ZPBP: variants seen among roughly 807,000 people sequenced by gnomAD.
The protein encoded by ZPBP is zona pellucida-binding protein 1.
ZPBP carries 26 observed loss-of-function variants against 44.8 expected under a neutral mutation model. That is an observed-to-expected ratio of 0.58 (90% CI 0.43 to 0.81). The LOEUF (loss-of-function observed/expected upper bound fraction) is 0.81. Among genes scored for constraint, ZPBP ranks in the 30% least tolerant of loss-of-function variants. ZPBP has a pLI of 0.00. For synonymous variants in ZPBP, 174 were observed against 153.2 expected (o/e 1.14, Z -1.00); for missense variants, 409 against 434.0 (o/e 0.94, Z 0.51).
In ZPBP at chr7:50,093,189, C is replaced by G; in HGVS notation, c.6G>C (p.Glu2Asp). M[E>D]AFALGPARRG... Reference sequence around the variant, plus strand: ...GCCGCGCTGGGCCAAGGGCGAAGGCCTCCATCCACACGCCGCCGTCGCCTG... The same window carrying G: ...GCCGCGCTGGGCCAAGGGCGAAGGCGTCCATCCACACGCCGCCGTCGCCTG... Residue 2 changes from glutamate to aspartate, a missense_variant, in exon 1 of 8, where the codon GAG (glutamate) becomes GAC (aspartate). By Grantham distance (45) the Glu-to-Asp change is conservative (BLOSUM62 2). Coordinates refer to ENST00000046087, the MANE Select transcript of ZPBP (RefSeq NM_007009.3). The G allele has an allele frequency of 6.6e-7, 1 of 1,525,362 alleles. No individual in the cohort carries two copies. The highest frequency in any genetic ancestry group is 2.3e-4 in the Middle Eastern group (1 of 4,322). The allele number at this position is 1,525,362 out of a possible 1,614,324, so 94.5% of individuals were successfully genotyped here.
At chr7:50,092,573 G>A (rs1192287029) in intron 1 of ZPBP, among the ~76,000 whole-genome samples, 1 of 152,158 alleles carries the variant, frequency 6.6e-6, no homozygotes, top group Non-Finnish European at 1.5e-5. Context: ...TATCTTACAT[G>A]TATTTTTAAA....
At chr7:49,926,872 G>A (rs1794255281) in intron 1 of ZPBP, among the ~76,000 whole-genome samples, 1 of 152,336 alleles carries the variant, frequency 6.6e-6, no homozygotes, top group Middle Eastern at 3.4e-3. Flanking sequence ...GGCTGCAGAG[G>A]AGCGGCCCTC....
chr7:50,046,571 A>T (rs2128821405), intron 4 of ZPBP, among the ~76,000 whole-genome samples: 1 of 152,346 alleles, frequency 6.6e-6, no homozygotes, highest in African/African-American at 2.4e-5. Context: ...TCATTACAGA[A>T]ATGCAAATCA....
In ZPBP at chr7:49,956,699, A is replaced by G. The variant is rs547232903; in HGVS notation, c.962-19077T>C. ...GGATCTAAAGATTTAATATAGTAAA[A>G]TTATGAAAATTCCACAAATCCTATA... On this transcript the variant is annotated intron_variant, in intron 7 of 7. Coordinates refer to ENST00000046087, the MANE Select transcript of ZPBP (RefSeq NM_007009.3). 5.9e-5 allele frequency among the ~76,000 whole-genome samples: 9 copies of G among 152,266 alleles called. No homozygotes were observed. The South Asian group carries it at 1.7e-3, about 28-fold the overall frequency.
chr7:49,875,388 A>AAAAAAAAAAAAAAAC, intron 2 of ZPBP, among the ~76,000 whole-genome samples: 1 of 149,902 alleles, frequency 6.7e-6, no homozygotes, highest in African/African-American at 2.4e-5. Context: ...AAAAAAAAAA[A>AAAAAAAAAAAAAAAC]AAAAAAAAAC....
At chr7:49,976,851 C>T (rs568312894) in intron 7 of ZPBP, among the ~76,000 whole-genome samples, 3 of 152,106 alleles carry the variant, frequency 2.0e-5, no homozygotes, top group African/African-American at 7.2e-5. Context: ...ACTTGTAATC[C>T]CAGCACTCTG....
At chr7:49,894,657 T>C (rs1172972494) in intron 2 of ZPBP, among the ~76,000 whole-genome samples, 1 of 152,244 alleles carries the variant, frequency 6.6e-6, no homozygotes, top group Non-Finnish European at 1.5e-5. Flanking sequence ...TGTTGGCTCC[T>C]GTCCTGAGGG....
In ZPBP at chr7:49,962,047, T is replaced by C. The variant is rs574043106; in HGVS notation, c.961+21295A>G. Among the ~76,000 whole-genome samples, 3 of 152,102 alleles carry C rather than the reference T, an allele frequency of 2.0e-5. No individual in the cohort carries two copies. In the South Asian group the frequency reaches 6.2e-4, roughly 32 times the overall value. On this transcript the variant is annotated intron_variant, in intron 7 of 7. Coordinates refer to ENST00000046087, the MANE Select transcript of ZPBP (RefSeq NM_007009.3). ...AAACCAAAACCAAAATAAACATCCG[T>C]TGACAGCTTCAATGAAGAATTAAAT...
At chr7:49,849,809 G>A (rs1028840080), downstream of ZPBP, among the ~76,000 whole-genome samples, 2 of 151,960 alleles carry the variant, frequency 1.3e-5, no homozygotes, top group Non-Finnish European at 2.9e-5. Context: ...ACCAAGTCTT[G>A]GGGTAGAATC....
At chr7:49,867,898 A>G (rs1195845215) in intron 2 of ZPBP, among the ~76,000 whole-genome samples, 2 of 151,552 alleles carry the variant, frequency 1.3e-5, no homozygotes, top group African/African-American at 2.4e-5. Context: ...CAATGGTGCA[A>G]TCTCGGCTCA....
In ZPBP at chr7:49,990,750, T is replaced by G. The variant is rs546030995; in HGVS notation, c.784-7231A>C. Among the ~76,000 whole-genome samples, 5 of 152,328 alleles carry G rather than the reference T, an allele frequency of 3.3e-5. No individual in the cohort carries two copies. The East Asian group carries it at 9.6e-4, about 29-fold the overall frequency. On this transcript the variant is annotated intron_variant, in intron 6 of 7. Coordinates refer to ENST00000046087, the MANE Select transcript of ZPBP (RefSeq NM_007009.3). ...ATGAAAATGAACAGCTTATTTTAAT[T>G]ACTACAATCTGTCCTACTGGCCATG...
At chr7:49,952,552 A>C (rs947535485) in intron 7 of ZPBP, among the ~76,000 whole-genome samples, 3 of 152,026 alleles carry the variant, frequency 2.0e-5, no homozygotes, top group African/African-American at 7.2e-5. Flanking sequence ...TCTCATAGCT[A>C]TACAGGAAAC....
At chr7:49,854,255 G>A (rs1583684013) in intron 2 of ZPBP, among the ~76,000 whole-genome samples, 1 of 152,020 alleles carries the variant, frequency 6.6e-6, no homozygotes, top group East Asian at 1.9e-4. Context: ...GGGTCAAATG[G>A]TATTTCTAGT....
At chr7:49,953,132 C>G (rs1795418446) in intron 7 of ZPBP, among the ~76,000 whole-genome samples, 1 of 152,066 alleles carries the variant, frequency 6.6e-6, no homozygotes, top group East Asian at 1.9e-4. Context: ...AATTATGTTA[C>G]AGGGAACTAA....
downstream of ZPBP, among the ~76,000 whole-genome samples, chr7:49,846,820 C>T (rs891496842): frequency 6.6e-6 from 1 of 152,158 alleles, no homozygotes; most frequent in African/African-American, 2.4e-5. Flanking sequence ...TTTCCCCAGC[C>T]TCATTTGACA....
chr7:49,882,286 T>C lies in ZPBP; in HGVS notation n.509+18832A>G, dbSNP rs10257922. On this transcript the variant is annotated intron_variant and non_coding_transcript_variant, in intron 2 of 2. Coordinates refer to the ZPBP transcript ENST00000465922. ...AAGAGAGATTCTTGGCTATTTCTCT[T>C]TGTTCTGCTAAGCCTTCCTCACTTT... Among the ~76,000 whole-genome samples the C allele has an allele frequency of 4.5e-3, 684 of 152,260 alleles. 4 individuals carry two copies. Among genetic ancestry groups the C allele is most frequent in the African/African-American group, 0.016 (648 of 41,572 alleles).
intron 7 of ZPBP, among the ~76,000 whole-genome samples, chr7:49,945,001 T>A (rs1046166259): frequency 8.5e-5 from 13 of 152,156 alleles, no homozygotes; most frequent in African/African-American, 3.1e-4. Flanking sequence ...TAAACTTCCC[T>A]GTACTGCTTT....
intron 1 of ZPBP, among the ~76,000 whole-genome samples, chr7:49,901,886 C>CTCTGTT (rs1167772031): frequency 2.6e-5 from 4 of 151,878 alleles, no homozygotes; most frequent in African/African-American, 9.7e-5. Context: ...TGTTTGCTAA[C>CTCTGTT]ACTGTTAGCT....
intron 3 of ZPBP, among the ~76,000 whole-genome samples, chr7:50,069,235 T>C (rs1801700158): frequency 6.6e-6 from 1 of 152,196 alleles, no homozygotes; most frequent in African/African-American, 2.4e-5. Flanking sequence ...GGGGTCTCTA[T>C]TCCCTACTGT....
Sources: gnomAD v4.1 joint callset for allele counts (sites outside exome capture counted in the v4.1 genomes callset) on GRCh38, gnomAD v4.1.1 for gene constraint, MANE v1.5 for transcripts, NCBI Gene and HGNC (gene_info 2026-07-23, HGNC 2026-07-21) for gene names.